The following PPM1E variants were observed in gnomAD, a reference collection of about 807,000 sequenced individuals.
The protein encoded by PPM1E is protein phosphatase 1E.
A neutral mutation model predicts 65.9 loss-of-function variants in PPM1E; 20 were observed. The ratio of observed to expected loss-of-function variants is 0.30; its 90% CI spans 0.21 to 0.44. The LOEUF (loss-of-function observed/expected upper bound fraction) is 0.44. PPM1E is among the 20% of genes least tolerant of loss of function. PPM1E has a pLI of 1.00. For synonymous variants in PPM1E, 352 were observed against 374.9 expected, an observed-to-expected ratio of 0.94 and a Z score of 0.70; for missense variants, 713 against 953.1, an observed-to-expected ratio of 0.75 and a Z score of 3.32.
At position 58,980,350 on chromosome 17, in the gene PPM1E, G is replaced by A; in HGVS notation, c.1587G>A (p.Trp529Ter). Residue 529 changes from tryptophan (W) to a stop codon, truncating the protein, a stop_gained, in exon 7 of 7, where the codon TGG becomes TGA. Coordinates refer to ENST00000308249, the MANE Select transcript of PPM1E (RefSeq NM_014906.5). LOFTEE classifies it high-confidence loss of function. This position sits in a 1 kb window ranked among gnomAD's most constrained non-coding sequence, Gnocchi z 4.7. Reference protein sequence around the residue: ...KENHGECKRPWPQHQCSAPAD... With the variant: ...KENHGECKRP Reference sequence around the variant, plus strand: ...ATCATGGAGAGTGCAAACGCCCTTGGCCTCAGCACCAGTGCTCAGCACCAG... The same window carrying A: ...ATCATGGAGAGTGCAAACGCCCTTGACCTCAGCACCAGTGCTCAGCACCAG... 6.2e-7 allele frequency: 1 copy of A among 1,614,078 alleles called. No individual in the cohort carries two copies. Among genetic ancestry groups the A allele is most frequent in the Non-Finnish European group, 8.5e-7 (1 of 1,180,000 alleles).
Position 58,983,102 on chromosome 17 carries a change from GA to G in PPM1E, c.*2078del. On this transcript the variant is annotated 3_prime_UTR_variant, in exon 7 of 7. Transcript: ENST00000308249. ...ACACATGCTAGGCTTTCTCAGTGGG[GA>G]AAAAAATGGCTGGATAGAACTGGGA... 22 of 560,808 alleles carry G rather than the reference GA, an allele frequency of 3.9e-5. No homozygotes were observed. The highest frequency in any genetic ancestry group is 5.0e-5 in the South Asian group (2 of 40,198). 34.7% of individuals were successfully genotyped at this position (560,808 alleles called of 1,614,324 possible). A position where few individuals can be genotyped will look rare whatever the true frequency, so the allele number is the denominator to read the frequency against.
At chr17:58,825,462 C>G (rs537336106) in intron 1 of PPM1E, among the ~76,000 whole-genome samples, 15 of 150,560 alleles carry the variant, frequency 1.0e-4, no homozygotes, top group Middle Eastern at 3.4e-3. Flanking sequence ...TTTTTCAATT[C>G]AGAAAAAACT....
intron 1 of PPM1E, among the ~76,000 whole-genome samples, chr17:58,839,915 C>T (rs938073740): frequency 7.9e-5 from 12 of 152,134 alleles, no homozygotes; most frequent in African/African-American, 9.7e-5. Context: ...TAGAAGTTTA[C>T]AACACCACCA....
chr17:58,884,029 G>A (rs967249348), intron 1 of PPM1E, among the ~76,000 whole-genome samples: 9 of 152,170 alleles, frequency 5.9e-5, no homozygotes, highest in African/African-American at 2.2e-4. Context: ...ATTCATCTGT[G>A]CATAGGGTCA....
intron 1 of PPM1E, among the ~76,000 whole-genome samples, chr17:58,824,728 A>G (rs551654602): frequency 3.3e-5 from 5 of 150,732 alleles, no homozygotes; most frequent in South Asian, 2.1e-4. Context: ...AGCTGGGACT[A>G]CAGGTGCCCG....
intron 1 of PPM1E, among the ~76,000 whole-genome samples, chr17:58,903,834 A>G (rs756554107): frequency 1.1e-4 from 17 of 152,190 alleles, no homozygotes; most frequent in Non-Finnish European, 2.5e-4. Flanking sequence ...AAGCTTTGTT[A>G]CCTAGGGTTC....
chr17:58,969,816 C>G, intron 4 of PPM1E, 89 bp downstream of exon 4: 1 of 1,245,196 alleles, frequency 8.0e-7, no homozygotes, highest in Non-Finnish European at 1.1e-6. Flanking sequence ...TAGATTTTCT[C>G]TTTCTGGGCA....
intron 1 of PPM1E, among the ~76,000 whole-genome samples, chr17:58,771,042 A>C (rs906435591): frequency 1.3e-5 from 2 of 151,932 alleles, no homozygotes; most frequent in Admixed American, 1.3e-4. Context: ...TTTTTAGTAG[A>C]GATGGGGTTT....
chr17:58,866,085 A>C (rs969334579), intron 1 of PPM1E, among the ~76,000 whole-genome samples: 3 of 152,188 alleles, frequency 2.0e-5, no homozygotes, highest in African/African-American at 7.2e-5. Flanking sequence ...CTCTTTCACA[A>C]AGAGTGTCTA....
intron 1 of PPM1E, among the ~76,000 whole-genome samples, chr17:58,774,019 G>A (rs1228799835): frequency 1.3e-5 from 2 of 151,836 alleles, no homozygotes; most frequent in African/African-American, 2.4e-5. Context: ...AAAATTAGCT[G>A]GGTGTGGTGA....
At chr17:58,943,328 CAAAT>C (rs1035126275) in intron 1 of PPM1E, among the ~76,000 whole-genome samples, 5 of 152,046 alleles carry the variant, frequency 3.3e-5, no homozygotes, top group Admixed American at 6.6e-5. Context: ...AAAAAACACA[CAAAT>C]AAAACAAAAA....
intron 1 of PPM1E, among the ~76,000 whole-genome samples, chr17:58,780,612 A>T (rs185282928): frequency 1.1e-4 from 16 of 152,270 alleles, no homozygotes; most frequent in Middle Eastern, 6.8e-3. Flanking sequence ...GATTTGTGGG[A>T]AATCTTTATG....
At chr17:58,866,139 C>G (rs2051001021) in intron 1 of PPM1E, among the ~76,000 whole-genome samples, 1 of 152,174 alleles carries the variant, frequency 6.6e-6, no homozygotes, top group Non-Finnish European at 1.5e-5. Flanking sequence ...GGAGACCAAT[C>G]TAGTTAGATA....
At chr17:58,758,319 G>A (rs1256799099) in intron 1 of PPM1E, among the ~76,000 whole-genome samples, 1 of 152,074 alleles carries the variant, frequency 6.6e-6, no homozygotes, top group Non-Finnish European at 1.5e-5. Flanking sequence ...CATGAGGTCA[G>A]GAGTTCGAGA....
At chr17:58,867,912 T>C (rs1193503866) in intron 1 of PPM1E, among the ~76,000 whole-genome samples, 1 of 152,162 alleles carries the variant, frequency 6.6e-6, no homozygotes, top group Non-Finnish European at 1.5e-5. Flanking sequence ...TAGGTTGAGA[T>C]TGATATGCTG....
At chr17:58,871,829 A>AG (rs1272832252) in intron 1 of PPM1E, among the ~76,000 whole-genome samples, 4 of 148,408 alleles carry the variant, frequency 2.7e-5, no homozygotes, top group Admixed American at 6.7e-5. Context: ...AAAAAAAAAA[A>AG]AAGAAGAAGA....
intron 2 of PPM1E, among the ~76,000 whole-genome samples, chr17:58,962,681 T>C (rs938879692): frequency 3.9e-5 from 6 of 152,182 alleles, no homozygotes; most frequent in African/African-American, 1.4e-4. Flanking sequence ...AAATGTTGGA[T>C]TGTCTATTGG....
intron 2 of PPM1E, among the ~76,000 whole-genome samples, chr17:58,959,529 G>A (rs1263293466): frequency 6.6e-6 from 1 of 151,380 alleles, no homozygotes; most frequent in African/African-American, 2.4e-5. Context: ...AACCTGGGAG[G>A]TGGAGCTTGC....
intron 1 of PPM1E, among the ~76,000 whole-genome samples, chr17:58,781,324 A>G (rs1462402426): frequency 6.6e-6 from 1 of 151,816 alleles, no homozygotes; most frequent in African/African-American, 2.4e-5. Flanking sequence ...TATTTCTAGT[A>G]GAGACGGGGT....
Sources: gnomAD v4.1 joint callset for allele counts (sites outside exome capture counted in the v4.1 genomes callset) on GRCh38, gnomAD v4.1.1 for gene constraint, Gnocchi (gnomAD v3.1) non-coding constraint, MANE v1.5 for transcripts, NCBI Gene and HGNC (gene_info 2026-07-23, HGNC 2026-07-21) for gene names.